Variants in MED13 observed in about 807,000 individuals in gnomAD.
The protein encoded by MED13 is mediator complex subunit 13.
A neutral mutation model predicts 225.2 loss-of-function variants in MED13; 23 were observed. The ratio of observed to expected loss-of-function variants is 0.10; its 90% CI spans 0.07 to 0.14. The LOEUF is 0.14. Among genes scored for constraint, MED13 ranks in the 10% least tolerant of loss-of-function variants. The pLI is 1.00. For missense variants in MED13, 2,197 were observed against 2,594.5 expected, an observed-to-expected ratio of 0.85 and a Z score of 3.33; for synonymous variants, 942 against 889.2, an observed-to-expected ratio of 1.06 and a Z score of -1.06.
At chr17:62,040,978 C>A (rs1334840615) in intron 3 of MED13, among the ~76,000 whole-genome samples, 1 of 152,128 alleles carries the variant, frequency 6.6e-6, no homozygotes, top group Non-Finnish European at 1.5e-5. Context: ...TATGGAAATT[C>A]CTCCAAAAAT....
intron 8 of MED13, among the ~76,000 whole-genome samples, chr17:62,014,020 C>T (rs1392897360): frequency 1.3e-5 from 2 of 152,000 alleles, no homozygotes; most frequent in African/African-American, 2.4e-5. Flanking sequence ...GCCTGGGCGA[C>T]ATAGCGAGAC....
At chr17:61,978,790 T>G (rs1175630948) in intron 16 of MED13, among the ~76,000 whole-genome samples, 2 of 152,172 alleles carry the variant, frequency 1.3e-5, no homozygotes, top group Non-Finnish European at 2.9e-5. Flanking sequence ...ATACCTATGA[T>G]ATTTATTTGT....
chr17:61,986,688 G>A (rs2080250854), intron 12 of MED13, among the ~76,000 whole-genome samples: 1 of 152,062 alleles, frequency 6.6e-6, no homozygotes, highest in Non-Finnish European at 1.5e-5. Context: ...TCAAACTACA[G>A]AATCAAATAG....
chr17:61,998,437 C>A (rs2080364103), intron 9 of MED13, among the ~76,000 whole-genome samples: 1 of 152,172 alleles, frequency 6.6e-6, no homozygotes, highest in Non-Finnish European at 1.5e-5. Flanking sequence ...TAGAATTTAA[C>A]ATAGCTTATG....
Position 62,060,615 on chromosome 17 carries a change from A to G in MED13, c.301+2452T>C, listed in dbSNP as rs766115835. ...GAGCGAGATCACGCCACTGCACTCC[A>G]GCCCGCGGGACAGAATGAGACTCCG... is the stretch of plus-strand genomic sequence containing the variant. On this transcript the variant is annotated intron_variant, in intron 2 of 29. Coordinates refer to ENST00000397786, the MANE Select transcript of MED13 (RefSeq NM_005121.3). 1.1e-4 allele frequency among the ~76,000 whole-genome samples: 17 copies of G among 148,656 alleles called. 1 individual carries two copies. The highest frequency in any genetic ancestry group is 6.5e-4 in the South Asian group (3 of 4,642).
At chr17:61,951,622 A>G (rs996286424) in intron 27 of MED13, among the ~76,000 whole-genome samples, 3 of 152,240 alleles carry the variant, frequency 2.0e-5, no homozygotes, top group African/African-American at 7.2e-5. Context: ...ATTAGGGTAT[A>G]GCAAAAATGC....
At chr17:62,045,526 TAA>T (rs762712861) in intron 3 of MED13, among the ~76,000 whole-genome samples, 1 of 144,396 alleles carries the variant, frequency 6.9e-6, no homozygotes. Flanking sequence ...TGTCTCTATT[TAA>T]AAAAAAAAAA....
intron 15 of MED13, among the ~76,000 whole-genome samples, 156 bp from the exon 16 acceptor site, chr17:61,983,270 T>C (rs2080220577): frequency 6.6e-6 from 1 of 152,326 alleles, no homozygotes; most frequent in Admixed American, 6.5e-5. Flanking sequence ...TCAATTCTTA[T>C]TTCTGGTTAA....
chr17:61,955,855 T>TAAAAAAAAAA lies in MED13; in HGVS notation c.5624-27_5624-18dup, dbSNP rs61326861. ...AGCTCCAATCTGTGGGTATCAACAGTAAAAAAAAAAAAAAAAAAAAAAAAA... is the reference window on the plus strand; with the variant it reads ...AGCTCCAATCTGTGGGTATCAACAGTAAAAAAAAAAAAAAAAAAAAAAAAAAAAAAAAAAA... On this transcript the variant is annotated splice_polypyrimidine_tract_variant and intron_variant, in intron 24 of 29. Transcript: ENST00000397786. 18 of 815,118 alleles carry TAAAAAAAAAA rather than the reference T, an allele frequency of 2.2e-5. No homozygotes were observed. The highest frequency in any genetic ancestry group is 1.3e-4 in the African/African-American group (3 of 23,166). The allele number at this position is 815,118 out of a possible 1,614,324, so 50.5% of individuals were successfully genotyped here. A position where few individuals can be genotyped will look rare whatever the true frequency, so the allele number is the denominator to read the frequency against.
At chr17:62,058,752 T>A (rs2081015493) in intron 2 of MED13, among the ~76,000 whole-genome samples, 1 of 152,206 alleles carries the variant, frequency 6.6e-6, no homozygotes, top group Admixed American at 6.5e-5. Context: ...TAATACTAGT[T>A]AGCACAAATC....
At chr17:62,056,115 G>A (rs1248139000) in intron 2 of MED13, among the ~76,000 whole-genome samples, 2 of 152,154 alleles carry the variant, frequency 1.3e-5, no homozygotes, top group Non-Finnish European at 2.9e-5. Flanking sequence ...TGAGAAAAAC[G>A]AGAGTAAGTC....
At position 62,033,315 on chromosome 17, in the gene MED13, C is replaced by T. The variant is rs560505901; in HGVS notation, c.814+472G>A. On this transcript the variant is annotated intron_variant, in intron 5 of 29. Transcript: ENST00000397786. Reference sequence around the variant, plus strand: ...CCAAATGTTAAAACATCATACAACACAGGTTGTCAACTTTTCAGCCTCCAA... The same window carrying T: ...CCAAATGTTAAAACATCATACAACATAGGTTGTCAACTTTTCAGCCTCCAA... Among the ~76,000 whole-genome samples, 5 of 152,290 alleles carry T rather than the reference C, an allele frequency of 3.3e-5. No individual in the cohort carries two copies. In the South Asian group the frequency reaches 8.3e-4, roughly 25 times the overall value.
intron 16 of MED13, among the ~76,000 whole-genome samples, chr17:61,979,134 A>G (rs1486493879): frequency 2.0e-5 from 3 of 152,326 alleles, no homozygotes; most frequent in Middle Eastern, 3.4e-3. Context: ...GTAATACATT[A>G]AAGAGGTATT....
chr17:61,987,827 C>T (rs2080261401), intron 11 of MED13, among the ~76,000 whole-genome samples: 1 of 152,074 alleles, frequency 6.6e-6, no homozygotes, highest in Admixed American at 6.6e-5. Context: ...TCACACCTCA[C>T]TGTAGCCTTG....
At chr17:61,969,098 G>A (rs2080084329) in intron 17 of MED13, among the ~76,000 whole-genome samples, 2 of 152,156 alleles carry the variant, frequency 1.3e-5, no homozygotes, top group African/African-American at 4.8e-5. Flanking sequence ...GCTCACACCT[G>A]TAATTTCAGC....
intron 26 of MED13, among the ~76,000 whole-genome samples, chr17:61,953,329 A>T (rs921438782): frequency 6.6e-6 from 1 of 152,210 alleles, no homozygotes; most frequent in African/African-American, 2.4e-5. Context: ...CCCCCCAAAG[A>T]TGTCCACATC....
chr17:62,015,846 A>C (rs1410526012), intron 8 of MED13, among the ~76,000 whole-genome samples: 3 of 111,784 alleles, frequency 2.7e-5, no homozygotes, highest in East Asian at 3.3e-4. Context: ...CACACACACT[A>C]TATATATGTG....
chr17:62,015,194 TATC>T (rs2080551083), intron 8 of MED13, among the ~76,000 whole-genome samples: 1 of 152,210 alleles, frequency 6.6e-6, no homozygotes. Flanking sequence ...CTGGACAAGG[TATC>T]ATAATATTAG....
chr17:62,020,935 C>T (rs1377564081), intron 8 of MED13, among the ~76,000 whole-genome samples: 6 of 151,244 alleles, frequency 4.0e-5, no homozygotes, highest in Admixed American at 4.0e-4. Context: ...CAAAGCACAT[C>T]TTGCACTGCC....
Sources: allele counts gnomAD v4.1 joint callset (sites outside exome capture counted in the v4.1 genomes callset), GRCh38; gene constraint gnomAD v4.1.1; transcripts MANE v1.5; gene names NCBI Gene and HGNC (gene_info 2026-07-23, HGNC 2026-07-21).